ALDH6A1: variants seen among roughly 807,000 people sequenced by gnomAD.
ALDH6A1 encodes the protein aldehyde dehydrogenase 6 family member A1.
A neutral mutation model predicts 62.6 loss-of-function variants in ALDH6A1; 43 were observed. The ratio of observed to expected loss-of-function variants is 0.69; its 90% CI spans 0.54 to 0.89. The LOEUF (loss-of-function observed/expected upper bound fraction) is 0.89. Ranked by LOEUF, ALDH6A1 falls within the 40% of genes least tolerant of loss-of-function variation. ALDH6A1 has a pLI of 0.00. For synonymous variants in ALDH6A1, 194 were observed against 234.2 expected (o/e 0.83, Z 1.57); for missense variants, 551 against 661.3 (o/e 0.83, Z 1.83).
Position 74,060,319 on chromosome 14 carries a change from C to A in ALDH6A1, c.*323G>T. On this transcript the variant is annotated 3_prime_UTR_variant, in exon 12 of 12. Coordinates refer to ENST00000553458, the MANE Select transcript of ALDH6A1 (RefSeq NM_005589.4). ...CTGGCTGGAACATTTTCTTTACATA[C>A]ACTGGCTTTTCTCCCCTTCAAATCA... 2 of 320,048 alleles carry A rather than the reference C, an allele frequency of 6.2e-6. No individual in the cohort carries two copies. Among genetic ancestry groups the A allele is most frequent in the South Asian group, 3.1e-5 (1 of 31,934 alleles). The allele number at this position is 320,048 out of a possible 1,614,324, so 19.8% of individuals were successfully genotyped here.
At chr14:74,068,796 GT>G in intron 7 of ALDH6A1, 63 bp downstream of exon 7, 1 of 1,580,172 alleles carries the variant, frequency 6.3e-7, no homozygotes, top group Non-Finnish European at 8.7e-7. Context: ...TCTGCTGAAG[GT>G]CTGTTCCTAG....
At chr14:74,065,150 T>C in intron 10 of ALDH6A1, 31 bp downstream of exon 10, 1 of 1,611,406 alleles carries the variant, frequency 6.2e-7, no homozygotes, top group East Asian at 2.2e-5. Context: ...TAAATGGATA[T>C]AAGAATCTCT....
At chr14:74,066,273 G>A (rs975519174) in intron 9 of ALDH6A1, among the ~76,000 whole-genome samples, 4 of 152,068 alleles carry the variant, frequency 2.6e-5, no homozygotes, top group African/African-American at 9.7e-5. Context: ...GCCTGTTTTT[G>A]TACAGCCCCA....
At chr14:74,072,774 T>C (rs2060568320) in intron 2 of ALDH6A1, among the ~76,000 whole-genome samples, 163 bp from the exon 3 acceptor site, 1 of 152,148 alleles carries the variant, frequency 6.6e-6, no homozygotes, top group African/African-American at 2.4e-5. Context: ...AGACACATAA[T>C]ATCCCTATCT....
chr14:74,074,380 G>A (rs994102460), intron 2 of ALDH6A1, among the ~76,000 whole-genome samples: 4 of 150,506 alleles, frequency 2.7e-5, no homozygotes, highest in South Asian at 4.2e-4. Context: ...TCCGCCTCCC[G>A]AATTCAAGCG....
rs2060301291 is a variant in ALDH6A1 at position 74,059,820 on chromosome 14, G to A, written c.*822C>T. On this transcript the variant is annotated 3_prime_UTR_variant, in exon 12 of 12. Coordinates refer to ENST00000553458, the MANE Select transcript of ALDH6A1 (RefSeq NM_005589.4). ...ATAACAAAAAGTTGATTTATCCATT[G>A]CTTACTGAGGTATCCTTGAGAAGTG... 2 of 154,858 alleles carry A rather than the reference G, an allele frequency of 1.3e-5. No individual in the cohort carries two copies. The highest frequency in any genetic ancestry group is 2.9e-5 in the Non-Finnish European group (2 of 70,014). The allele number at this position is 154,858 out of a possible 1,614,324, so 9.6% of individuals were successfully genotyped here. A position where few individuals can be genotyped will look rare whatever the true frequency, so the allele number is the denominator to read the frequency against.
chr14:74,057,106 G>C lies in ALDH6A1; in HGVS notation c.*3536C>G. On this transcript the variant is annotated 3_prime_UTR_variant, in exon 12 of 12. Coordinates refer to ENST00000553458, the MANE Select transcript of ALDH6A1 (RefSeq NM_005589.4). ...TTCTAAACCAGGTTTCATGTGTGTA[G>C]AGTTGTTGACGGTTCTGTTATTTTG... is the stretch of plus-strand genomic sequence containing the variant. 6.2e-7 allele frequency: 1 copy of C among 1,605,232 alleles called. No homozygotes were observed. The highest frequency in any genetic ancestry group is 8.5e-7 in the Non-Finnish European group (1 of 1,174,792).
intron 1 of ALDH6A1, among the ~76,000 whole-genome samples, chr14:74,077,073 A>C (rs1242928347): frequency 6.6e-6 from 1 of 152,154 alleles, no homozygotes; most frequent in African/African-American, 2.4e-5. Context: ...AGTCCTTCCA[A>C]ATACCTCATC....
rs886050733 is a variant in ALDH6A1 at position 74,084,453 on chromosome 14, T to G, written c.-59A>C. ...CTCTACTGCCCAGAAGCACTACAGC[T>G]GCCAGGCCTCGCCCTCCATCCTGCC... On this transcript the variant is annotated 5_prime_UTR_variant, in exon 1 of 12. Coordinates refer to ENST00000553458, the MANE Select transcript of ALDH6A1 (RefSeq NM_005589.4). The G allele has an allele frequency of 6.3e-7, 1 of 1,596,122 alleles. No individual in the cohort carries two copies. The highest frequency in any genetic ancestry group is 2.3e-5 in the East Asian group (1 of 44,228).
At chr14:74,066,612 A>G in intron 9 of ALDH6A1, 93 bp downstream of exon 9, 1 of 1,252,436 alleles carries the variant, frequency 8.0e-7, no homozygotes, top group Non-Finnish European at 1.2e-6. Context: ...GGTCTTAGTC[A>G]TTAAGTATTT....
intron 1 of ALDH6A1, among the ~76,000 whole-genome samples, chr14:74,076,995 A>G (rs2060620111): frequency 6.6e-6 from 1 of 152,244 alleles, no homozygotes; most frequent in African/African-American, 2.4e-5. Flanking sequence ...TAACCAGAGT[A>G]TAGAGCTGCA....
At position 74,071,191 on chromosome 14, in the gene ALDH6A1, T is replaced by C; in HGVS notation, c.730+4A>G. On this transcript the variant is annotated splice_donor_region_variant and intron_variant, in intron 6 of 11. Coordinates refer to ENST00000553458, the MANE Select transcript of ALDH6A1 (RefSeq NM_005589.4). ...TAAGTAGCCATATGCATAAGGGCAGTTACCTTCATGCTGTCCATGGATGAT... is the reference window on the plus strand; with the variant it reads ...TAAGTAGCCATATGCATAAGGGCAGCTACCTTCATGCTGTCCATGGATGAT... 1 of 1,613,408 alleles carries C rather than the reference T, an allele frequency of 6.2e-7. No individual in the cohort carries two copies. The highest frequency in any genetic ancestry group is 1.1e-5 in the South Asian group (1 of 91,038).
Position 74,064,829 on chromosome 14 carries a change from C to G in ALDH6A1, c.1496G>C (p.Gly499Ala), listed in dbSNP as rs2060433229. 2.5e-6 allele frequency: 4 copies of G among 1,613,684 alleles called. No homozygotes were observed. The highest frequency in any genetic ancestry group is 1.7e-5 in the Admixed American group (1 of 59,968). ...ATTTAACTCAAAAGTTACCTGTTTG[C>G]CATAGAAATTGGTGTCTCCCCTGAA... ...SSFRGDTNFY[G>A]KQGIQFYTQL... Residue 499 changes from glycine (G) to alanine (A), a missense_variant, in exon 11 of 12, where the codon GGC becomes GCC. By Grantham distance (60) the Gly-to-Ala change is moderately conservative. Coordinates refer to ENST00000553458, the MANE Select transcript of ALDH6A1 (RefSeq NM_005589.4).
intron 2 of ALDH6A1, among the ~76,000 whole-genome samples, chr14:74,074,704 G>A: frequency 6.6e-6 from 1 of 152,138 alleles, no homozygotes; most frequent in East Asian, 1.9e-4. Context: ...CAGATGATCT[G>A]TAAAAACCAC....
At position 74,071,308 on chromosome 14, in the gene ALDH6A1, A is replaced by G; in HGVS notation, c.617T>C (p.Phe206Ser). The change falls in exon 6 of 12, where the codon TTC becomes TCC. Residue 206 changes from phenylalanine to serine, a missense_variant. By Grantham distance (155) the Phe-to-Ser change is radical (BLOSUM62 -2). Transcript: ENST00000553458. ...GACTCGCTCAGATGGTTTCATTAGG[A>G]AGGTATTTCCACACACCATGGCCAT... ...FPMAMVCGNT[F>S]LMKPSERVPG... 6.2e-7 allele frequency: 1 copy of G among 1,614,186 alleles called. No individual in the cohort carries two copies. The highest frequency in any genetic ancestry group is 1.3e-5 in the African/African-American group (1 of 75,050).
At position 74,071,209 on chromosome 14, in the gene ALDH6A1, T is replaced by C; in HGVS notation, c.716A>G (p.His239Arg). 1.9e-6 allele frequency: 3 copies of C among 1,614,188 alleles called. No individual in the cohort carries two copies. The highest frequency in any genetic ancestry group is 2.5e-6 in the Non-Finnish European group (3 of 1,180,010). ...AGGGCAGTTACCTTCATGCTGTCCA[T>C]GGATGATGTTTAATGTTCCATCAGG... ...GAPDGTLNII[H>R]GQHEAVNFIC... is the part of the protein sequence containing the mutation. Residue 239 changes from histidine to arginine, a missense_variant, in exon 6 of 12, where the codon CAT becomes CGT. His to Arg is a conservative substitution (Grantham distance 29). Coordinates refer to ENST00000553458, the MANE Select transcript of ALDH6A1 (RefSeq NM_005589.4).
chr14:74,071,765 C>T, intron 5 of ALDH6A1, 131 bp downstream of exon 5: 1 of 1,455,916 alleles, frequency 6.9e-7, no homozygotes, highest in Non-Finnish European at 9.6e-7. Context: ...CCATTTTTCA[C>T]AAGTATTAAA....
intron 2 of ALDH6A1, among the ~76,000 whole-genome samples, chr14:74,074,288 A>ATT (rs35478388): frequency 2.0e-4 from 26 of 130,192 alleles, no homozygotes; most frequent in Admixed American, 7.0e-4. Context: ...CTTTCACTAA[A>ATT]TTTTTTTTTT....
At chr14:74,061,198 G>A (rs535829874) in intron 11 of ALDH6A1, among the ~76,000 whole-genome samples, 13 of 152,172 alleles carry the variant, frequency 8.5e-5, no homozygotes, top group African/African-American at 1.4e-4. Context: ...GGCTGGTCTC[G>A]AACTCCCGGC....
Sources: allele counts gnomAD v4.1 joint callset (sites outside exome capture counted in the v4.1 genomes callset), GRCh38; gene constraint gnomAD v4.1.1; transcripts MANE v1.5; gene names NCBI Gene and HGNC (gene_info 2026-07-23, HGNC 2026-07-21).